KLF8: variants seen among roughly 807,000 people sequenced by gnomAD.
KLF8 encodes KLF transcription factor 8.
In KLF8, 10 loss-of-function variants were observed where a neutral mutation model predicts 18.2. The observed-to-expected ratio is 0.55, with a 90% CI of 0.34 to 0.93. The LOEUF (loss-of-function observed/expected upper bound fraction) is 0.93, where lower values mean the gene tolerates loss of function less well. KLF8 is among the 40% of genes least tolerant of loss of function. KLF8 has a pLI of 0.02. For missense variants in KLF8, 264 were observed against 277.9 expected (o/e 0.95, Z 0.36); for synonymous variants, 109 against 97.3 (o/e 1.12, Z -0.71).
At chrX:56,126,999 C>T in the KLF8 span, among the ~76,000 whole-genome samples, 4 of 109,152 alleles carry the variant, frequency 3.7e-5, no homozygotes, top group Admixed American at 3.0e-4. Context: ...GTGATCTACC[C>T]GCCTCGGCCT....
the KLF8 span, among the ~76,000 whole-genome samples, chrX:56,199,983 A>C: frequency 9.0e-6 from 1 of 111,410 alleles, no homozygotes; most frequent in Non-Finnish European, 1.9e-5. Context: ...TCGCAAGGAC[A>C]AAAAAACCAA....
chrX:56,069,626 G>T, the KLF8 span, among the ~76,000 whole-genome samples: 2 of 111,385 alleles, frequency 1.8e-5, no homozygotes, highest in African/African-American at 6.5e-5. Flanking sequence ...TTTGCTAAGG[G>T]GTGCAGCCCC....
At chrX:55,936,099 T>C in the KLF8 span, among the ~76,000 whole-genome samples, 1 of 112,334 alleles carries the variant, frequency 8.9e-6, no homozygotes, top group Non-Finnish European at 1.9e-5. Context: ...ATGCATCTAA[T>C]AGTATCACAG....
At chrX:56,210,150 T>C in the KLF8 span, among the ~76,000 whole-genome samples, 1 of 112,090 alleles carries the variant, frequency 8.9e-6, no homozygotes, top group African/African-American at 3.2e-5. Context: ...TTTTGTACCT[T>C]CAAGTGATTA....
chrX:56,032,424 A>G, the KLF8 span, among the ~76,000 whole-genome samples: 1 of 111,789 alleles, frequency 8.9e-6, no homozygotes, highest in Non-Finnish European at 1.9e-5. Context: ...AACCACCACT[A>G]TAATCAAGAT....
At position 56,268,601 on chromosome X, in the gene KLF8, C is replaced by T. The variant is rs777539856; in HGVS notation, c.647-777C>T. ...TATATCACATACATGCACAAACATG[C>T]ACACCTCAAGATACATGCTTAAAAC... On this transcript the variant is annotated intron_variant, in intron 3 of 5. Coordinates refer to ENST00000468660, the MANE Select transcript of KLF8 (RefSeq NM_007250.5). 6 of 427,321 alleles carry T rather than the reference C, an allele frequency of 1.4e-5. 1 individual carries two copies. Among genetic ancestry groups the T allele is most frequent in the African/African-American group, 8.1e-5 (3 of 36,942 alleles). The allele number at this position is 427,321 out of a possible 1,213,427, so 35.2% of individuals were successfully genotyped here. A position where few individuals can be genotyped will look rare whatever the true frequency, so the allele number is the denominator to read the frequency against.
the KLF8 span, among the ~76,000 whole-genome samples, chrX:56,147,148 A>G: frequency 8.9e-6 from 1 of 112,533 alleles, no homozygotes; most frequent in Non-Finnish European, 1.9e-5. Context: ...CAGTCATCAT[A>G]TAATCAGGGG....
At chrX:56,263,113 T>A (rs926320355) in intron 2 of KLF8, among the ~76,000 whole-genome samples, 7 of 111,966 alleles carry the variant, frequency 6.3e-5, no homozygotes, top group African/African-American at 1.9e-4. Context: ...AGAGCTTAAG[T>A]TGATTTGGGG....
the KLF8 span, among the ~76,000 whole-genome samples, chrX:55,977,406 T>C: frequency 2.7e-5 from 3 of 111,801 alleles, no homozygotes; most frequent in Non-Finnish European, 5.6e-5. Flanking sequence ...GTTTTATTTA[T>C]AATTTTATTT....
chrX:55,919,882 C>T, the KLF8 span, among the ~76,000 whole-genome samples: 1 of 111,908 alleles, frequency 8.9e-6, no homozygotes, highest in Non-Finnish European at 1.9e-5. Flanking sequence ...GTCTCTAGGG[C>T]AAGTTTGCCT....
the KLF8 span, among the ~76,000 whole-genome samples, chrX:55,976,566 G>A: frequency 2.1e-3 from 38 of 17,888 alleles, no homozygotes; most frequent in African/African-American, 3.0e-3. Flanking sequence ...TAGTCCATTT[G>A]TGTACACACA....
chrX:56,172,717 C>T, the KLF8 span, among the ~76,000 whole-genome samples: 534 of 111,938 alleles, frequency 4.8e-3, 3 homozygotes, highest in Middle Eastern at 0.018. Context: ...TTTCCAGTCC[C>T]GCCAACAGTG....
chrX:55,910,907 T>A, the KLF8 span, among the ~76,000 whole-genome samples: 1 of 111,860 alleles, frequency 8.9e-6, no homozygotes, highest in Non-Finnish European at 1.9e-5. Context: ...AGGTTTCAAA[T>A]GCACTTGAAA....
chrX:55,938,528 T>G, the KLF8 span, among the ~76,000 whole-genome samples: 1 of 111,345 alleles, frequency 9.0e-6, no homozygotes, highest in African/African-American at 3.3e-5. Flanking sequence ...ATAACAATAT[T>G]AACCTTAAAT....
At chrX:56,227,153 C>A in the KLF8 span, among the ~76,000 whole-genome samples, 5 of 111,612 alleles carry the variant, frequency 4.5e-5, no homozygotes, top group Admixed American at 9.5e-5. Context: ...ATGGATACCA[C>A]CCCTCTGTTG....
intron 1 of KLF8, among the ~76,000 whole-genome samples, chrX:56,248,860 C>T (rs1362065408): frequency 8.9e-6 from 1 of 111,910 alleles, no homozygotes; most frequent in African/African-American, 3.3e-5. Context: ...AATTTTCTTT[C>T]GTTCTTTTCC....
At chrX:56,128,485 A>G in the KLF8 span, among the ~76,000 whole-genome samples, 1 of 111,747 alleles carries the variant, frequency 8.9e-6, no homozygotes, top group African/African-American at 3.3e-5. Context: ...TTACCTTAGA[A>G]TACCTTTGCT....
chrX:56,038,659 A>G, the KLF8 span, among the ~76,000 whole-genome samples: 1 of 112,256 alleles, frequency 8.9e-6, no homozygotes, highest in Non-Finnish European at 1.9e-5. Context: ...GCTATTATTA[A>G]TAGTGCTGCA....
At chrX:55,968,492 C>G in the KLF8 span, among the ~76,000 whole-genome samples, 1 of 111,743 alleles carries the variant, frequency 8.9e-6, no homozygotes, top group Admixed American at 9.5e-5. Flanking sequence ...TAAGAAGAGA[C>G]AAAGAAGGTT....
Sources: gnomAD v4.1 joint callset for allele counts (sites outside exome capture counted in the v4.1 genomes callset) on GRCh38, gnomAD v4.1.1 for gene constraint, MANE v1.5 for transcripts, NCBI Gene and HGNC (gene_info 2026-07-23, HGNC 2026-07-21) for gene names.